Variants in HHIPL1 observed in about 807,000 individuals in gnomAD.
The protein encoded by HHIPL1 is HHIP-like protein 1.
HHIPL1 carries 43 observed loss-of-function variants against 61.8 expected under a neutral mutation model. The ratio of observed to expected loss-of-function variants is 0.70; its 90% CI spans 0.55 to 0.90. The LOEUF (loss-of-function observed/expected upper bound fraction) is 0.90. Among genes scored for constraint, HHIPL1 ranks in the 40% least tolerant of loss-of-function variants. The probability of loss-of-function intolerance (pLI) is 0.00; values close to 1 mark genes in which losing one functional copy is unlikely to be tolerated. For missense variants in HHIPL1, 1,056 were observed against 1,157.7 expected, an observed-to-expected ratio of 0.91 and a Z score of 1.28; for synonymous variants, 482 against 515.8, an observed-to-expected ratio of 0.93 and a Z score of 0.89.
chr14:99,633,308 G>T, the HHIPL1 span, among the ~76,000 whole-genome samples: 2 of 152,362 alleles, frequency 1.3e-5, no homozygotes, highest in East Asian at 3.9e-4. Flanking sequence ...TCTGCCTTGT[G>T]GTTTCAGCTG....
Position 99,676,580 on chromosome 14 carries a change from G to T in HHIPL1, c.*954G>T, listed in dbSNP as rs966484688. ...AAACCCAGGAGACCTGATTCCTCCAGCCCTACCTCGGGGCTGACCAGGCTG... is the reference window on the plus strand; with the variant it reads ...AAACCCAGGAGACCTGATTCCTCCATCCCTACCTCGGGGCTGACCAGGCTG... On this transcript the variant is annotated 3_prime_UTR_variant, in exon 9 of 9. Transcript: ENST00000330710. 1.3e-5 allele frequency: 2 copies of T among 152,362 alleles called. No homozygotes were observed. The highest frequency in any genetic ancestry group is 2.9e-5 in the Non-Finnish European group (2 of 68,154). The allele number at this position is 152,362 out of a possible 1,614,324, so 9.4% of individuals were successfully genotyped here.
intron 8 of HHIPL1, among the ~76,000 whole-genome samples, chr14:99,673,749 T>C (rs1244884992): frequency 3.0e-4 from 1 of 3,314 alleles, no homozygotes; most frequent in African/African-American, 1.4e-3. Flanking sequence ...TGGAGGGGGG[T>C]GCACTGAGGG....
the HHIPL1 span, among the ~76,000 whole-genome samples, chr14:99,609,647 C>A: frequency 4.6e-5 from 7 of 152,186 alleles, no homozygotes; most frequent in African/African-American, 1.7e-4. Context: ...GCCAGTTTCC[C>A]TACATGCTGG....
intron 1 of HHIPL1, 74 bp downstream of exon 1, chr14:99,645,536 C>T: frequency 8.1e-7 from 1 of 1,230,378 alleles, no homozygotes; most frequent in Non-Finnish European, 1.0e-6. Flanking sequence ...CGGAACCCCG[C>T]GGGGGCGAGG....
rs533273287 is a variant in HHIPL1 at position 99,663,220 on chromosome 14, T to A, written c.1648+199T>A. 2.0e-5 allele frequency among the ~76,000 whole-genome samples: 3 copies of A among 152,128 alleles called. No individual in the cohort carries two copies. The South Asian group carries it at 6.2e-4, about 32-fold the overall frequency. The stretch of plus-strand genomic sequence containing the variant: ...TCCCAATCCAGGGCCCAAGAGAGGG[T>A]TCTTGGATCTCACGTAAGAAAGAAA... On this transcript the variant is annotated intron_variant, in intron 6 of 8. Transcript: ENST00000330710.
At chr14:99,641,541 G>A (rs566097679), upstream of HHIPL1, among the ~76,000 whole-genome samples, 52 of 151,808 alleles carry the variant, frequency 3.4e-4, no homozygotes, top group African/African-American at 1.2e-3. Flanking sequence ...AGCCTCCCAA[G>A]TAGCTGGGGT....
the HHIPL1 span, among the ~76,000 whole-genome samples, chr14:99,611,590 T>G: frequency 7.0e-6 from 1 of 142,524 alleles, no homozygotes; most frequent in Non-Finnish European, 1.5e-5. Flanking sequence ...CTGGCCTTTT[T>G]TTTTTTTTTT....
intron 2 of HHIPL1, among the ~76,000 whole-genome samples, chr14:99,653,603 T>G (rs1301147086): frequency 6.6e-6 from 1 of 152,138 alleles, no homozygotes; most frequent in Admixed American, 6.6e-5. Context: ...GTGCCATTCT[T>G]GAGCCCCACT....
At chr14:99,619,516 T>C in the HHIPL1 span, among the ~76,000 whole-genome samples, 2 of 150,734 alleles carry the variant, frequency 1.3e-5, no homozygotes, top group African/African-American at 2.4e-5. Flanking sequence ...GAAGCTGCAA[T>C]GTAAGCAGGG....
the HHIPL1 span, chr14:99,604,550 A>C: frequency 6.6e-6 from 1 of 152,066 alleles, no homozygotes; most frequent in African/African-American, 2.4e-5. Flanking sequence ...CGGCGGTTCA[A>C]GTTTCTGCGC....
intron 5 of HHIPL1, among the ~76,000 whole-genome samples, chr14:99,661,926 C>T (rs909378855): frequency 6.6e-5 from 10 of 152,130 alleles, no homozygotes; most frequent in African/African-American, 2.2e-4. Flanking sequence ...TGACCTGGGC[C>T]CCTGGAAGTT....
chr14:99,657,936 TAC>T (rs1365437868), intron 3 of HHIPL1, among the ~76,000 whole-genome samples: 1 of 151,938 alleles, frequency 6.6e-6, no homozygotes, highest in African/African-American at 2.4e-5. Flanking sequence ...TACATACACA[TAC>T]ACACATCTAC....
the HHIPL1 span, among the ~76,000 whole-genome samples, chr14:99,638,534 C>T: frequency 7.9e-5 from 12 of 152,300 alleles, no homozygotes; most frequent in Non-Finnish European, 1.3e-4. Flanking sequence ...TGATGCCTGC[C>T]GGGCTCCTGG....
chr14:99,660,492 C>T lies in HHIPL1; in HGVS notation c.1502+86C>T, dbSNP rs2056134852. ...CTTGGTAAAGGGGAGTGTATGTGTG[C>T]GCCCGTTCCTGCACATGTGCCTCGC... On this transcript the variant is annotated intron_variant, in intron 5 of 8. Transcript: ENST00000330710. This position sits in a 1 kb window ranked among gnomAD's most constrained non-coding sequence, Gnocchi z 4.9. The T allele has an allele frequency of 4.7e-6, 7 of 1,484,062 alleles. No homozygotes were observed. Among genetic ancestry groups the T allele is most frequent in the Non-Finnish European group, 4.6e-6 (5 of 1,088,930 alleles). The allele number at this position is 1,484,062 out of a possible 1,614,324, so 91.9% of individuals were successfully genotyped here.
At chr14:99,644,509 G>A (rs1021599148), upstream of HHIPL1, among the ~76,000 whole-genome samples, 1 of 152,054 alleles carries the variant, frequency 6.6e-6, no homozygotes. Flanking sequence ...CGGGGGCAGC[G>A]GAACAAAGGG....
Position 99,678,716 on chromosome 14 carries a change from C to G in HHIPL1, c.*3090C>G, listed in dbSNP as rs530791195. The G allele has an allele frequency of 6.6e-6, 1 of 152,296 alleles. No homozygotes were observed. Among genetic ancestry groups the G allele is most frequent in the South Asian group, 2.1e-4 (1 of 4,822 alleles). 9.4% of individuals were successfully genotyped at this position (152,296 alleles called of 1,614,324 possible). ...CTGTGAGCTGGGACATGCCTGTGAG[C>G]ACGTCCAGCACAGATATCTTGGTTA... On this transcript the variant is annotated 3_prime_UTR_variant, in exon 9 of 9. Coordinates refer to ENST00000330710, the MANE Select transcript of HHIPL1 (RefSeq NM_001127258.3).
At chr14:99,628,488 G>A in the HHIPL1 span, among the ~76,000 whole-genome samples, 1 of 151,582 alleles carries the variant, frequency 6.6e-6, no homozygotes, top group African/African-American at 2.4e-5. Flanking sequence ...GGCTGAGGCA[G>A]GAGCATCACT....
the HHIPL1 span, among the ~76,000 whole-genome samples, chr14:99,631,887 C>T: frequency 1.3e-5 from 2 of 152,220 alleles, no homozygotes; most frequent in African/African-American, 4.8e-5. Context: ...GCCCTGGAGC[C>T]CCTCCTTTGG....
At chr14:99,646,351 A>C (rs1196603033) in intron 1 of HHIPL1, among the ~76,000 whole-genome samples, 2 of 152,274 alleles carry the variant, frequency 1.3e-5, no homozygotes, top group Non-Finnish European at 2.9e-5. Context: ...GCCGTGTCCC[A>C]GCCTTCGGCC....
Sources: allele counts gnomAD v4.1 joint callset (sites outside exome capture counted in the v4.1 genomes callset), GRCh38; gene constraint gnomAD v4.1.1; non-coding constraint Gnocchi (gnomAD v3.1); transcripts MANE v1.5; gene names NCBI Gene and HGNC (gene_info 2026-07-23, HGNC 2026-07-21).